The following FUT9 variants were observed in gnomAD, a reference collection of about 807,000 sequenced individuals.
FUT9 encodes the protein 4-galactosyl-N-acetylglucosaminide 3-alpha-L-fucosyltransferase 9.
FUT9 carries 15 observed loss-of-function variants against 29.7 expected under a neutral mutation model. That is an observed-to-expected ratio of 0.51 (90% CI 0.34 to 0.78). The LOEUF is 0.78. Among genes scored for constraint, FUT9 ranks in the 30% least tolerant of loss-of-function variants. The pLI, the probability that FUT9 is intolerant of heterozygous loss-of-function variation, is 0.01. For missense variants in FUT9, 319 were observed against 425.4 expected (o/e 0.75, Z 2.20); for synonymous variants, 169 against 153.7 (o/e 1.10, Z -0.74).
At chr6:96,053,890 A>C (rs141388652) in intron 1 of FUT9, among the ~76,000 whole-genome samples, 1,582 of 152,210 alleles carry the variant, frequency 0.01, 19 homozygotes, top group African/African-American at 0.036. Context: ...TATAGTATTA[A>C]ATTTTTGGTT....
chr6:96,144,705 C>A (rs1266846869), intron 2 of FUT9, among the ~76,000 whole-genome samples: 2 of 152,054 alleles, frequency 1.3e-5, no homozygotes, highest in Non-Finnish European at 2.9e-5. Context: ...TCAAACATTG[C>A]ATAGTTTAAG....
rs918360465 is a variant in FUT9, at chr6:96,205,992, C to A, written c.*1757C>A. 2 of 166,958 alleles carry A rather than the reference C, an allele frequency of 1.2e-5. No individual in the cohort carries two copies. Among genetic ancestry groups the A allele is most frequent in the African/African-American group, 2.4e-5 (1 of 41,416 alleles). 10.3% of individuals were successfully genotyped at this position (166,958 alleles called of 1,614,324 possible). A position where few individuals can be genotyped will look rare whatever the true frequency, so the allele number is the denominator to read the frequency against. ...TGCAGTGTCAGGCACTGCCTTAACA[C>A]CCACAGAGATAAGATGAACAAGGTA... On this transcript the variant is annotated 3_prime_UTR_variant, in exon 3 of 3. Transcript: ENST00000302103.
intron 1 of FUT9, among the ~76,000 whole-genome samples, chr6:96,104,986 G>A (rs1032773699): frequency 1.3e-5 from 2 of 152,232 alleles, no homozygotes; most frequent in African/African-American, 2.4e-5. Context: ...TCGAGGCTTC[G>A]TATCAGGCAA....
At chr6:96,101,914 T>G (rs1225490433) in intron 1 of FUT9, among the ~76,000 whole-genome samples, 1 of 152,112 alleles carries the variant, frequency 6.6e-6, no homozygotes, top group South Asian at 2.1e-4. Flanking sequence ...GGAATTTATA[T>G]CATTTTATCC....
intron 1 of FUT9, among the ~76,000 whole-genome samples, chr6:96,042,067 ACT>A (rs1181264601): frequency 2.6e-5 from 4 of 151,700 alleles, no homozygotes; most frequent in African/African-American, 4.8e-5. Flanking sequence ...TTATTTCCAG[ACT>A]CTCTGCTCAG....
At chr6:96,064,261 A>T (rs1333353640) in intron 1 of FUT9, among the ~76,000 whole-genome samples, 1 of 152,192 alleles carries the variant, frequency 6.6e-6, no homozygotes, top group African/African-American at 2.4e-5. Context: ...TCTTCATCAG[A>T]AACTTGTTAC....
intron 2 of FUT9, among the ~76,000 whole-genome samples, chr6:96,144,709 G>A (rs572383376): frequency 6.6e-6 from 1 of 152,144 alleles, no homozygotes; most frequent in South Asian, 2.1e-4. Context: ...ACATTGCATA[G>A]TTTAAGTGGA....
chr6:96,178,651 T>C (rs1773248977), intron 2 of FUT9, among the ~76,000 whole-genome samples: 1 of 152,180 alleles, frequency 6.6e-6, no homozygotes, highest in Non-Finnish European at 1.5e-5. Context: ...AGAAACCAGC[T>C]CTAGGCTTTG....
chr6:96,132,677 T>A (rs1304349717), intron 2 of FUT9, among the ~76,000 whole-genome samples: 2 of 152,092 alleles, frequency 1.3e-5, no homozygotes, highest in Non-Finnish European at 2.9e-5. Flanking sequence ...TGTTCTGTTT[T>A]TGGTGATTTA....
At chr6:96,128,279 G>C (rs950322764) in intron 2 of FUT9, among the ~76,000 whole-genome samples, 3 of 152,056 alleles carry the variant, frequency 2.0e-5, no homozygotes, top group Non-Finnish European at 2.9e-5. Context: ...TATGTAAAGA[G>C]TGTTCACAAA....
intron 2 of FUT9, among the ~76,000 whole-genome samples, chr6:96,176,242 G>A (rs1427366290): frequency 1.3e-5 from 2 of 152,070 alleles, no homozygotes; most frequent in East Asian, 3.9e-4. Flanking sequence ...TGGGATTTCA[G>A]CCCTCCATAA....
At chr6:96,102,867 C>G (rs1016208581) in intron 1 of FUT9, among the ~76,000 whole-genome samples, 1 of 152,150 alleles carries the variant, frequency 6.6e-6, no homozygotes, top group Non-Finnish European at 1.5e-5. Flanking sequence ...TTAGTTTCCT[C>G]TCATGCATCA....
intron 2 of FUT9, among the ~76,000 whole-genome samples, chr6:96,124,677 C>T (rs781616013): frequency 5.3e-5 from 8 of 152,050 alleles, no homozygotes; most frequent in Non-Finnish European, 2.9e-5. Flanking sequence ...TTGCTCTCCT[C>T]CATAGTCAAC....
chr6:96,181,623 A>C (rs1773310467), intron 2 of FUT9, among the ~76,000 whole-genome samples: 1 of 151,630 alleles, frequency 6.6e-6, no homozygotes, highest in South Asian at 2.1e-4. Flanking sequence ...TGTGTCATTC[A>C]TATGCCTTTG....
At chr6:96,157,606 G>A (rs4334995) in intron 2 of FUT9, among the ~76,000 whole-genome samples, 138,759 of 152,168 alleles carry the variant, frequency 0.91, 64,632 homozygotes, top group Non-Finnish European at 1. Context: ...TCAAGCAAAA[G>A]CAATGTAGGA....
intron 1 of FUT9, among the ~76,000 whole-genome samples, chr6:96,062,347 A>T (rs1480045766): frequency 7.2e-6 from 1 of 139,610 alleles, no homozygotes; most frequent in East Asian, 2.1e-4. Context: ...TCTATAGCTG[A>T]GAGTCAACCA....
chr6:96,069,620 T>G (rs956978933), intron 1 of FUT9, among the ~76,000 whole-genome samples: 3 of 101,300 alleles, frequency 3.0e-5, no homozygotes, highest in African/African-American at 1.0e-4. Context: ...TATTTTTTTA[T>G]TTTTTTATTT....
intron 1 of FUT9, among the ~76,000 whole-genome samples, chr6:96,084,201 G>C (rs1183660237): frequency 6.6e-6 from 1 of 152,040 alleles, no homozygotes. Flanking sequence ...AGACTGTCTA[G>C]AAGATCATAT....
At chr6:96,195,088 A>G (rs1773598395) in intron 2 of FUT9, among the ~76,000 whole-genome samples, 1 of 152,208 alleles carries the variant, frequency 6.6e-6, no homozygotes, top group Non-Finnish European at 1.5e-5. Context: ...GAAGAGAGAG[A>G]CAGTAGAAGG....
Sources: allele counts gnomAD v4.1 joint callset (sites outside exome capture counted in the v4.1 genomes callset), GRCh38; gene constraint gnomAD v4.1.1; transcripts MANE v1.5; gene names NCBI Gene and HGNC (gene_info 2026-07-23, HGNC 2026-07-21).